The following SORBS2 variants were observed in gnomAD, a reference collection of about 807,000 sequenced individuals.
SORBS2 encodes the protein sorbin and SH3 domain-containing protein 2.
A neutral mutation model predicts 97.7 loss-of-function variants in SORBS2; 46 were observed. The observed-to-expected ratio is 0.47, with a 90% confidence interval of 0.37 to 0.60. The LOEUF is 0.60. Ranked by LOEUF, SORBS2 falls within the 20% of genes least tolerant of loss-of-function variation. The pLI is 0.00. For missense variants in SORBS2, 1,316 were observed against 1,282.3 expected (o/e 1.03, Z -0.40); for synonymous variants, 476 against 473.4 (o/e 1.01, Z -0.07).
At chr4:185,629,809 C>A (rs532683194) in intron 5 of SORBS2, among the ~76,000 whole-genome samples, 1 of 152,152 alleles carries the variant, frequency 6.6e-6, no homozygotes, top group South Asian at 2.1e-4. Flanking sequence ...GATCTTCCCC[C>A]CTCAGCCTCC....
At chr4:185,727,289 T>G (rs2098561501) in intron 2 of SORBS2, among the ~76,000 whole-genome samples, 1 of 152,230 alleles carries the variant, frequency 6.6e-6, no homozygotes. Context: ...ACGACCCTAT[T>G]GCTTATGCCG....
chr4:185,936,148 T>C (rs538264739), intron 1 of SORBS2, among the ~76,000 whole-genome samples: 89 of 152,348 alleles, frequency 5.8e-4, no homozygotes, highest in African/African-American at 1.9e-3. Flanking sequence ...CGTGAGCCAT[T>C]GCACCTGGCC....
Position 185,623,404 on chromosome 4 carries a change from C to A in SORBS2, c.1725G>T (p.Met575Ile). 6.2e-7 allele frequency: 1 copy of A among 1,611,956 alleles called. No individual in the cohort carries two copies. The highest frequency in any genetic ancestry group is 1.1e-5 in the South Asian group (1 of 91,080). The change falls in exon 7 of 15, where the codon ATG (methionine) becomes ATT (isoleucine). Residue 575 changes from methionine (M) to isoleucine (I), a missense_variant. Transcript: ENST00000418609. The surrounding 1 kb of genome is among the most constrained non-coding windows in gnomAD (Gnocchi z 6.4). ...CGTGTCTGGCTCTTTCGTGTTTTAA[C>A]ATTGTGGTAAATCGAGTGTAGGAGG...
intron 1 of SORBS2, among the ~76,000 whole-genome samples, chr4:185,852,406 C>A (rs28625586): frequency 0.019 from 2,914 of 152,266 alleles, 76 homozygotes; most frequent in African/African-American, 0.067. Context: ...TCATATGCTT[C>A]TTCCATAGGT....
At chr4:185,933,631 CGT>C in intron 1 of SORBS2, among the ~76,000 whole-genome samples, 1 of 152,136 alleles carries the variant, frequency 6.6e-6, no homozygotes, top group South Asian at 2.1e-4. Flanking sequence ...TCCCCTTGCG[CGT>C]GTGTCCATGT....
At chr4:185,949,752 A>G (rs11132367) in intron 1 of SORBS2, among the ~76,000 whole-genome samples, 28,369 of 152,042 alleles carry the variant, frequency 0.19, 3,206 homozygotes, top group East Asian at 0.59. Context: ...AAACAAACAC[A>G]GTGTGAAATT....
chr4:185,819,557 A>G (rs2099195429), intron 1 of SORBS2, among the ~76,000 whole-genome samples: 1 of 152,208 alleles, frequency 6.6e-6, no homozygotes, highest in Admixed American at 6.5e-5. Flanking sequence ...AAACAAATTG[A>G]TAATAGGGAG....
At chr4:185,845,448 TA>T (rs1397258622) in intron 1 of SORBS2, among the ~76,000 whole-genome samples, 2 of 152,134 alleles carry the variant, frequency 1.3e-5, no homozygotes. Flanking sequence ...TTTGCAACAA[TA>T]AAAAAATCTG....
At chr4:185,891,067 A>T (rs1316070812) in intron 1 of SORBS2, among the ~76,000 whole-genome samples, 1 of 152,188 alleles carries the variant, frequency 6.6e-6, no homozygotes. Flanking sequence ...TTCCTTTCAG[A>T]TCTAAAATGT....
intron 2 of SORBS2, among the ~76,000 whole-genome samples, chr4:185,742,487 T>C (rs1297316650): frequency 2.6e-5 from 4 of 152,158 alleles, no homozygotes; most frequent in Non-Finnish European, 5.9e-5. Flanking sequence ...TGCCCAGACA[T>C]ACGGATCCAG....
intron 4 of SORBS2, among the ~76,000 whole-genome samples, 199 bp from the exon 15 acceptor site, chr4:185,638,361 G>T (rs549380300): frequency 6.6e-6 from 1 of 152,334 alleles, no homozygotes; most frequent in East Asian, 1.9e-4. Context: ...CTCCATGGCA[G>T]GGGGTCCCTA....
intron 1 of SORBS2, among the ~76,000 whole-genome samples, chr4:185,792,497 G>C (rs902540595): frequency 9.7e-5 from 14 of 144,052 alleles, no homozygotes; most frequent in African/African-American, 3.6e-4. Flanking sequence ...CCATCGAAAA[G>C]AAAAGAAAAG....
At chr4:185,942,009 G>T (rs2019087) in intron 1 of SORBS2, among the ~76,000 whole-genome samples, 4 of 151,882 alleles carry the variant, frequency 2.6e-5, no homozygotes, top group Admixed American at 2.0e-4. Flanking sequence ...CCAGCTACTC[G>T]GGAGTCTGAG....
At chr4:185,857,162 G>T (rs184874290) in intron 1 of SORBS2, among the ~76,000 whole-genome samples, 1 of 152,212 alleles carries the variant, frequency 6.6e-6, no homozygotes, top group Non-Finnish European at 1.5e-5. Flanking sequence ...TGAATGGAGA[G>T]ACCTGCTGAA....
At chr4:185,755,025 C>T (rs1313046288) in intron 2 of SORBS2, among the ~76,000 whole-genome samples, 1 of 152,228 alleles carries the variant, frequency 6.6e-6, no homozygotes, top group African/African-American at 2.4e-5. Context: ...CAGGAAAAAA[C>T]CCACTAATGT....
rs747466303 is a variant in SORBS2 at position 185,742,469 on chromosome 4, C to T, written c.-198+32758G>A. On this transcript the variant is annotated intron_variant, in intron 2 of 20. Coordinates refer to the SORBS2 transcript ENST00000284776. ...TCCTTCAGTAAATATCCATCGAGCA[C>T]CTACTACTGCCCAGACATACGGATC... 9.1e-4 allele frequency among the ~76,000 whole-genome samples: 138 copies of T among 152,160 alleles called. 1 individual carries two copies. Among genetic ancestry groups the T allele is most frequent in the Non-Finnish European group, 1.4e-3 (97 of 68,036 alleles).
At chr4:185,664,797 C>T (rs2153478042) in intron 4 of SORBS2, among the ~76,000 whole-genome samples, 1 of 152,222 alleles carries the variant, frequency 6.6e-6, no homozygotes, top group South Asian at 2.1e-4. Flanking sequence ...CTTGATAGAA[C>T]ATAAAACAAT....
chr4:185,886,554 C>CAAAAAAAAAAAAAAAA (rs1198439527), intron 1 of SORBS2, among the ~76,000 whole-genome samples: 16 of 72,814 alleles, frequency 2.2e-4, no homozygotes, highest in Non-Finnish European at 3.7e-4. Flanking sequence ...GACTCTGTCT[C>CAAAAAAAAAAAAAAAA]AAAAAAAAAA....
At position 185,707,741 on chromosome 4, in the gene SORBS2, G is replaced by A. The variant is rs1052278054; in HGVS notation, c.-197-28919C>T. ...TCACAATCATGGCAGAAGGCAAAGGGCATCTTACATGACAGCAGGCAAGAG... is the reference window on the plus strand; with the variant it reads ...TCACAATCATGGCAGAAGGCAAAGGACATCTTACATGACAGCAGGCAAGAG... On this transcript the variant is annotated intron_variant, in intron 2 of 20. Coordinates refer to the SORBS2 transcript ENST00000284776. Among the ~76,000 whole-genome samples the A allele has an allele frequency of 2.0e-5, 3 of 152,080 alleles. No homozygotes were observed. The East Asian group carries it at 5.8e-4, about 29-fold the overall frequency.
Sources: allele counts gnomAD v4.1 joint callset (sites outside exome capture counted in the v4.1 genomes callset), GRCh38; gene constraint gnomAD v4.1.1; non-coding constraint Gnocchi (gnomAD v3.1); transcripts MANE v1.5; gene names NCBI Gene and HGNC (gene_info 2026-07-23, HGNC 2026-07-21).